GNA14: variants seen among roughly 807,000 people sequenced by gnomAD.
GNA14 encodes guanine nucleotide-binding protein subunit alpha-14.
In GNA14, 50 loss-of-function variants were observed where a neutral mutation model predicts 42.0. That is an observed-to-expected ratio of 1.19 (90% CI 0.95 to 1.51). The LOEUF (loss-of-function observed/expected upper bound fraction) is 1.51, where lower values mean the gene tolerates loss of function less well. Among genes scored for constraint, GNA14 ranks in the 40% most tolerant of loss-of-function variants. The probability of loss-of-function intolerance (pLI) is 0.00; values close to 1 mark genes in which losing one functional copy is unlikely to be tolerated. For synonymous variants in GNA14, 173 were observed against 163.1 expected (o/e 1.06, Z -0.46); for missense variants, 473 against 446.2 (o/e 1.06, Z -0.54).
chr9:77,507,198 G>A (rs1316875591), intron 2 of GNA14, among the ~76,000 whole-genome samples: 1 of 152,168 alleles, frequency 6.6e-6, no homozygotes, highest in African/African-American at 2.4e-5. Context: ...TCTTTTAAAA[G>A]TCAGAACACT....
At chr9:77,429,971 G>A (rs540789447) in intron 4 of GNA14, among the ~76,000 whole-genome samples, 1 of 152,012 alleles carries the variant, frequency 6.6e-6, no homozygotes, top group African/African-American at 2.4e-5. Context: ...CTGGGTCATT[G>A]TGGTTAGGTG....
chr9:77,474,935 T>A (rs545087632), intron 2 of GNA14, among the ~76,000 whole-genome samples: 3 of 152,120 alleles, frequency 2.0e-5, no homozygotes, highest in Admixed American at 1.3e-4. Flanking sequence ...ATATGAAATG[T>A]CCAGAATGGT....
chr9:77,610,466 G>A (rs909160797), intron 1 of GNA14, among the ~76,000 whole-genome samples: 2 of 152,150 alleles, frequency 1.3e-5, no homozygotes, highest in African/African-American at 2.4e-5. Flanking sequence ...AATCTCTGTT[G>A]TCTCTTTTTA....
intron 2 of GNA14, among the ~76,000 whole-genome samples, chr9:77,510,550 A>C (rs1356438251): frequency 6.6e-6 from 1 of 152,152 alleles, no homozygotes; most frequent in African/African-American, 2.4e-5. Context: ...CTCTATTTCA[A>C]TATTAAGGAA....
intron 2 of GNA14, among the ~76,000 whole-genome samples, chr9:77,520,099 A>G (rs1386897116): frequency 6.6e-6 from 1 of 152,134 alleles, no homozygotes; most frequent in African/African-American, 2.4e-5. Flanking sequence ...CCTTAAATTT[A>G]TTTTTTTTAA....
At chr9:77,530,902 G>T (rs181457951) in intron 1 of GNA14, among the ~76,000 whole-genome samples, 3 of 152,326 alleles carry the variant, frequency 2.0e-5, no homozygotes, top group Non-Finnish European at 4.4e-5. Flanking sequence ...TAATTAGTCA[G>T]GGGACAAGCC....
intron 1 of GNA14, among the ~76,000 whole-genome samples, chr9:77,591,173 G>T (rs760491539): frequency 2.0e-5 from 3 of 152,172 alleles, no homozygotes; most frequent in Non-Finnish European, 4.4e-5. Context: ...GAATCATCCT[G>T]ATCATACCCT....
chr9:77,582,756 AC>A (rs1459062279), intron 1 of GNA14, among the ~76,000 whole-genome samples: 1 of 152,154 alleles, frequency 6.6e-6, no homozygotes, highest in East Asian at 1.9e-4. Context: ...ACATTGTGCA[AC>A]ACCTCCTGTT....
chr9:77,479,571 T>C lies in GNA14; in HGVS notation c.310-45049A>G, dbSNP rs557610380. ...CCAATTCTTTGAAGAAAGTCATTGG[T>C]AGCTTGATGGGGATGGCATTGAATC... is the stretch of plus-strand genomic sequence containing the variant. On this transcript the variant is annotated intron_variant, in intron 2 of 6. Transcript: ENST00000341700. Among the ~76,000 whole-genome samples, 16 of 152,314 alleles carry C rather than the reference T, an allele frequency of 1.1e-4. No homozygotes were observed. The South Asian group carries it at 2.9e-3, about 28-fold the overall frequency.
chr9:77,430,668 A>G (rs1378558501), intron 4 of GNA14, among the ~76,000 whole-genome samples: 2 of 152,222 alleles, frequency 1.3e-5, no homozygotes, highest in African/African-American at 2.4e-5. Flanking sequence ...ATCGTGTGTG[A>G]TAATTGTTAG....
intron 1 of GNA14, among the ~76,000 whole-genome samples, chr9:77,573,240 G>C (rs1259328335): frequency 1.3e-5 from 2 of 152,084 alleles, no homozygotes; most frequent in Non-Finnish European, 2.9e-5. Context: ...CCCGAGGTCA[G>C]GAGTTTGAGA....
chr9:77,531,514 T>A (rs1265556614), intron 1 of GNA14, among the ~76,000 whole-genome samples: 2 of 152,214 alleles, frequency 1.3e-5, no homozygotes, highest in Admixed American at 1.3e-4. Flanking sequence ...ACTATGATAC[T>A]GCCACGTCGG....
intron 1 of GNA14, among the ~76,000 whole-genome samples, chr9:77,547,929 C>A (rs114387018): frequency 6.6e-6 from 1 of 151,962 alleles, no homozygotes; most frequent in Non-Finnish European, 1.5e-5. Context: ...GTGATACCTG[C>A]GGAAATGGAG....
At chr9:77,602,775 G>A (rs1176182396) in intron 1 of GNA14, among the ~76,000 whole-genome samples, 9 of 152,000 alleles carry the variant, frequency 5.9e-5, no homozygotes, top group Admixed American at 3.3e-4. Flanking sequence ...TATCAGGGCC[G>A]GCCTCATGGG....
intron 1 of GNA14, among the ~76,000 whole-genome samples, chr9:77,593,094 C>T (rs965356672): frequency 6.6e-5 from 10 of 152,152 alleles, no homozygotes; most frequent in African/African-American, 2.2e-4. Context: ...GCCTAATGCT[C>T]AATTTCAAAC....
At chr9:77,456,305 G>A (rs1350234038) in intron 2 of GNA14, 1 of 152,236 alleles carries the variant, frequency 6.6e-6, no homozygotes, top group African/African-American at 2.4e-5. Context: ...GAAGGAAAGA[G>A]TGGGGACAGT....
chr9:77,477,979 T>A lies in GNA14; in HGVS notation c.310-43457A>T, dbSNP rs150763192. Among the ~76,000 whole-genome samples the A allele has an allele frequency of 5.2e-4, 78 of 149,710 alleles. 1 individual carries two copies. Among genetic ancestry groups the A allele is most frequent in the African/African-American group, 1.8e-3 (74 of 41,010 alleles). ...CAGTGTAATAGCGATCTGATGGGAGTTTAGAAAGCAAGAACACAGAAAACA... is the reference window on the plus strand; with the variant it reads ...CAGTGTAATAGCGATCTGATGGGAGATTAGAAAGCAAGAACACAGAAAACA... On this transcript the variant is annotated intron_variant, in intron 2 of 6. Coordinates refer to ENST00000341700, the MANE Select transcript of GNA14 (RefSeq NM_004297.4).
intron 2 of GNA14, among the ~76,000 whole-genome samples, chr9:77,516,624 G>A (rs1025628559): frequency 1.3e-5 from 2 of 152,080 alleles, no homozygotes; most frequent in Non-Finnish European, 2.9e-5. Context: ...TACTCGGGAA[G>A]CTAAGGTGGG....
In GNA14 at chr9:77,434,463, C is replaced by T. The variant is rs1268589850; in HGVS notation, c.369G>A (p.Glu123=). ...AGAGCTGCTTGATGGCCTCCACCTG[C>T]TCCCTGGAGAGCATGGAGACCTTGT... ...EVDKVSMLSR[E]QVEAIKQLWQ... Residue 123 remains glutamate (E), a synonymous_variant, in exon 3 of 7, where the codon GAG becomes GAA. Transcript: ENST00000341700. 2.5e-6 allele frequency: 4 copies of T among 1,613,670 alleles called. No individual in the cohort carries two copies. Among genetic ancestry groups the T allele is most frequent in the East Asian group, 2.2e-5 (1 of 44,884 alleles).
Sources: gnomAD v4.1 joint callset for allele counts (sites outside exome capture counted in the v4.1 genomes callset) on GRCh38, gnomAD v4.1.1 for gene constraint, MANE v1.5 for transcripts, NCBI Gene and HGNC (gene_info 2026-07-23, HGNC 2026-07-21) for gene names.